The following GRID1 variants were observed in gnomAD, a reference collection of about 807,000 sequenced individuals.
GRID1 encodes the protein glutamate ionotropic receptor delta type subunit 1, also known as glutamate receptor ionotropic, delta-1.
Under a neutral mutation model 98.0 loss-of-function variants are expected in GRID1, and 28 were observed. The ratio of observed to expected loss-of-function variants is 0.29; its 90% CI spans 0.21 to 0.39. GRID1 has a LOEUF of 0.39. GRID1 is among the 10% of genes least tolerant of loss of function. GRID1 has a pLI of 1.00. For missense variants in GRID1, 1,111 were observed against 1,340.5 expected, an observed-to-expected ratio of 0.83 and a Z score of 2.67; for synonymous variants, 553 against 538.5, an observed-to-expected ratio of 1.03 and a Z score of -0.37.
intron 8 of GRID1, among the ~76,000 whole-genome samples, chr10:85,774,009 A>G (rs958283025): frequency 2.6e-5 from 4 of 152,222 alleles, no homozygotes; most frequent in African/African-American, 9.7e-5. Context: ...GAGAGCCCGC[A>G]TCGCCAAGTC....
intron 9 of GRID1, among the ~76,000 whole-genome samples, chr10:85,728,396 T>C (rs147480548): frequency 8.4e-4 from 128 of 152,290 alleles, no homozygotes; most frequent in Non-Finnish European, 1.5e-3. Context: ...ATCCTTAGAA[T>C]ATGCCAAAAT....
At chr10:86,021,893 T>A (rs1201160753) in intron 4 of GRID1, among the ~76,000 whole-genome samples, 2 of 152,206 alleles carry the variant, frequency 1.3e-5, no homozygotes, top group Non-Finnish European at 2.9e-5. Context: ...TAGCTCTTAG[T>A]CAGCTGAGGG....
intron 2 of GRID1, among the ~76,000 whole-genome samples, chr10:86,363,416 G>A (rs1848628864): frequency 6.6e-6 from 1 of 152,214 alleles, no homozygotes; most frequent in Non-Finnish European, 1.5e-5. Flanking sequence ...GAGAAGCGCC[G>A]GGCTGAGGCT....
intron 4 of GRID1, among the ~76,000 whole-genome samples, chr10:86,113,525 A>C (rs546769507): frequency 6.6e-6 from 1 of 152,338 alleles, no homozygotes; most frequent in South Asian, 2.1e-4. Context: ...GTCTCATTAC[A>C]TGGTTCTGTT....
At position 85,599,908 on chromosome 10, in the gene GRID1, C is replaced by G. The variant is rs1409116988; in HGVS notation, c.*2365G>C. On this transcript the variant is annotated 3_prime_UTR_variant, in exon 16 of 16. Coordinates refer to ENST00000327946, the MANE Select transcript of GRID1 (RefSeq NM_017551.3). Reference sequence around the variant, plus strand: ...TGAAGATGCTGGTCTCTCTCTCTCTCTCTCTCTCTCTCACACACACACACA... The same window carrying G: ...TGAAGATGCTGGTCTCTCTCTCTCTGTCTCTCTCTCTCACACACACACACA... 1 of 96,876 alleles carries G rather than the reference C, an allele frequency of 1.0e-5. No individual in the cohort carries two copies. The highest frequency in any genetic ancestry group is 1.9e-5 in the Non-Finnish European group (1 of 52,458). 6.0% of individuals were successfully genotyped at this position (96,876 alleles called of 1,614,324 possible). A position where few individuals can be genotyped will look rare whatever the true frequency, so the allele number is the denominator to read the frequency against.
intron 4 of GRID1, among the ~76,000 whole-genome samples, chr10:86,071,507 T>C (rs1442797577): frequency 6.6e-6 from 1 of 152,262 alleles, no homozygotes; most frequent in Non-Finnish European, 1.5e-5. Context: ...ATAACTCAGA[T>C]TACAGCCTCT....
At chr10:85,906,975 C>A (rs1283018052) in intron 5 of GRID1, among the ~76,000 whole-genome samples, 1 of 152,038 alleles carries the variant, frequency 6.6e-6, no homozygotes, top group African/African-American at 2.4e-5. Context: ...AACCTCCAAT[C>A]AGACTGATCA....
chr10:85,759,994 T>C (rs1318252308), intron 8 of GRID1, among the ~76,000 whole-genome samples: 1 of 152,180 alleles, frequency 6.6e-6, no homozygotes, highest in Admixed American at 6.5e-5. Context: ...TCTCGCCCCA[T>C]ATCACCATTA....
chr10:86,352,107 C>G (rs1398198589), intron 2 of GRID1, among the ~76,000 whole-genome samples: 1 of 152,188 alleles, frequency 6.6e-6, no homozygotes, highest in Non-Finnish European at 1.5e-5. Context: ...TAGAGACCAG[C>G]CTGACCAACA....
intron 3 of GRID1, among the ~76,000 whole-genome samples, chr10:86,183,727 T>C (rs1165332501): frequency 2.0e-5 from 3 of 152,272 alleles, no homozygotes; most frequent in African/African-American, 7.2e-5. Flanking sequence ...CTATTATGAA[T>C]TAAGCTGCTA....
chr10:86,261,862 C>T (rs1044229870), intron 2 of GRID1, among the ~76,000 whole-genome samples: 9 of 152,170 alleles, frequency 5.9e-5, no homozygotes, highest in Admixed American at 1.3e-4. Context: ...TCATTGCTTA[C>T]CATTGTATCT....
At chr10:85,876,410 G>A (rs1156248356) in intron 5 of GRID1, among the ~76,000 whole-genome samples, 2 of 151,908 alleles carry the variant, frequency 1.3e-5, no homozygotes, top group Admixed American at 6.6e-5. Context: ...ACCTCCCTTT[G>A]TGTTCCTCTT....
intron 2 of GRID1, among the ~76,000 whole-genome samples, chr10:86,280,153 T>A (rs1446202655): frequency 6.6e-6 from 1 of 152,146 alleles, no homozygotes; most frequent in Non-Finnish European, 1.5e-5. Flanking sequence ...CAGTGAGCTA[T>A]GATTGTGCTC....
chr10:86,040,118 A>C (rs528654382), intron 4 of GRID1, among the ~76,000 whole-genome samples: 1 of 152,320 alleles, frequency 6.6e-6, no homozygotes, highest in South Asian at 2.1e-4. Flanking sequence ...GGTCTCTGGA[A>C]ATGGGAATCC....
At chr10:85,826,775 C>A (rs1842824080) in intron 8 of GRID1, among the ~76,000 whole-genome samples, 1 of 152,156 alleles carries the variant, frequency 6.6e-6, no homozygotes, top group Admixed American at 6.5e-5. Flanking sequence ...TCCAGCACAG[C>A]AGGTTCCTAA....
At chr10:86,062,103 G>A (rs1843656832) in intron 4 of GRID1, among the ~76,000 whole-genome samples, 1 of 152,150 alleles carries the variant, frequency 6.6e-6, no homozygotes, top group African/African-American at 2.4e-5. Flanking sequence ...CTCCAACTGT[G>A]CAATGGGGAT....
chr10:86,225,985 G>A (rs541756383), intron 2 of GRID1, among the ~76,000 whole-genome samples: 8 of 152,250 alleles, frequency 5.3e-5, no homozygotes, highest in Admixed American at 5.2e-4. Flanking sequence ...ACTCATTGGG[G>A]CTTTGGAATT....
At chr10:85,847,614 T>C (rs560596353) in intron 8 of GRID1, among the ~76,000 whole-genome samples, 8 of 152,256 alleles carry the variant, frequency 5.3e-5, no homozygotes, top group Admixed American at 2.6e-4. Flanking sequence ...AGGTCTGCTG[T>C]ATAAATGGTA....
intron 12 of GRID1, among the ~76,000 whole-genome samples, chr10:85,673,295 T>C (rs2132586393): frequency 6.6e-6 from 1 of 152,330 alleles, no homozygotes; most frequent in South Asian, 2.1e-4. Flanking sequence ...CTATGAACAT[T>C]GTTGAAATGA....
Sources: allele counts gnomAD v4.1 joint callset (sites outside exome capture counted in the v4.1 genomes callset), GRCh38; gene constraint gnomAD v4.1.1; transcripts MANE v1.5; gene names NCBI Gene and HGNC (gene_info 2026-07-23, HGNC 2026-07-21).